COLGALT2: variants seen among roughly 807,000 people sequenced by gnomAD.
COLGALT2 encodes collagen beta(1-O)galactosyltransferase 2, also known as procollagen galactosyltransferase 2.
COLGALT2 carries 49 observed loss-of-function variants against 73.4 expected under a neutral mutation model. The ratio of observed to expected loss-of-function variants is 0.67; its 90% CI spans 0.53 to 0.85. The LOEUF is 0.85. Among genes scored for constraint, COLGALT2 ranks in the 40% least tolerant of loss-of-function variants. COLGALT2 has a pLI of 0.00. For missense variants in COLGALT2, 722 were observed against 790.2 expected (o/e 0.91, Z 1.03); for synonymous variants, 295 against 307.6 (o/e 0.96, Z 0.43).
intron 8 of COLGALT2, among the ~76,000 whole-genome samples, chr1:183,947,679 T>A (rs1204727207): frequency 6.6e-6 from 1 of 152,024 alleles, no homozygotes; most frequent in Non-Finnish European, 1.5e-5. Context: ...CCATCCATCT[T>A]AAGAAACTAG....
At chr1:183,983,718 G>T (rs936137211) in intron 1 of COLGALT2, among the ~76,000 whole-genome samples, 3 of 152,196 alleles carry the variant, frequency 2.0e-5, no homozygotes, top group Admixed American at 1.3e-4. Context: ...AATGTGTGAG[G>T]CCCCTCAGGA....
chr1:183,976,061 A>G (rs979238322), intron 2 of COLGALT2, among the ~76,000 whole-genome samples: 4 of 152,222 alleles, frequency 2.6e-5, no homozygotes, highest in Admixed American at 1.3e-4. Flanking sequence ...AATGAAAATC[A>G]GTGGAATTCT....
At chr1:183,972,597 G>C (rs1671072155) in intron 4 of COLGALT2, among the ~76,000 whole-genome samples, 1 of 151,036 alleles carries the variant, frequency 6.6e-6, no homozygotes, top group Non-Finnish European at 1.5e-5. Context: ...TTTTTAACTT[G>C]AATTTTATAA....
At chr1:183,939,121 G>C (rs541724757) in intron 11 of COLGALT2, 84 bp from the exon 12 acceptor site, 1 of 927,458 alleles carries the variant, frequency 1.1e-6, no homozygotes, top group African/African-American at 1.6e-5. Flanking sequence ...GAGGCCTCCT[G>C]GTTACCTCAT....
At chr1:183,961,826 T>C (rs1230179294) in intron 6 of COLGALT2, among the ~76,000 whole-genome samples, 2 of 152,292 alleles carry the variant, frequency 1.3e-5, no homozygotes, top group East Asian at 3.9e-4. Context: ...CCATATCCTT[T>C]AGGGCCTAGA....
chr1:184,035,275 TC>T (rs1423336646), intron 1 of COLGALT2, among the ~76,000 whole-genome samples: 1 of 152,206 alleles, frequency 6.6e-6, no homozygotes, highest in African/African-American at 2.4e-5. Flanking sequence ...TTATTCCAAC[TC>T]CCTCGTTTTA....
At chr1:183,933,034 G>T (rs1044497162), downstream of COLGALT2, among the ~76,000 whole-genome samples, 3 of 152,140 alleles carry the variant, frequency 2.0e-5, no homozygotes, top group Non-Finnish European at 4.4e-5. Context: ...AGCATTGGGG[G>T]CACTGGACAT....
chr1:184,028,483 A>G (rs1649399149), intron 1 of COLGALT2, among the ~76,000 whole-genome samples: 1 of 152,196 alleles, frequency 6.6e-6, no homozygotes, highest in African/African-American at 2.4e-5. Flanking sequence ...AAACAGTCCT[A>G]CTTCCCTCTT....
intron 1 of COLGALT2, among the ~76,000 whole-genome samples, chr1:184,018,876 T>G (rs965569760): frequency 4.6e-5 from 7 of 152,082 alleles, no homozygotes; most frequent in Admixed American, 6.5e-5. Flanking sequence ...AAATGCCAAA[T>G]GCAGGGAAGG....
intron 1 of COLGALT2, among the ~76,000 whole-genome samples, chr1:184,014,242 T>C (rs549750364): frequency 6.6e-6 from 1 of 152,094 alleles, no homozygotes; most frequent in East Asian, 1.9e-4. Context: ...TTAAGAAACA[T>C]GTATTGAGAA....
rs779082349 is a variant in COLGALT2, at chr1:183,969,334, G to T, written c.767C>A (p.Pro256Gln). Residue 256 changes from proline (P) to glutamine (Q), a missense_variant, in exon 5 of 12, where the codon CCA (proline) becomes CAA (glutamine). Coordinates refer to ENST00000361927, the MANE Select transcript of COLGALT2 (RefSeq NM_015101.4). ...AAAGGTCCAGGTGTAGTCCTGGTGT[G>T]GGGGGTAGAAAGTCAGCTTGTCCGA... The part of the protein sequence containing the change: ...EASDKLTFYP[P>Q]HQDYTWTFDD... The T allele has an allele frequency of 1.2e-5, 20 of 1,613,640 alleles. No homozygotes were observed. In the South Asian group the frequency reaches 1.3e-4, roughly 11 times the overall value.
intron 6 of COLGALT2, among the ~76,000 whole-genome samples, chr1:183,957,471 A>G (rs1344960797): frequency 6.6e-6 from 1 of 152,236 alleles, no homozygotes; most frequent in Non-Finnish European, 1.5e-5. Context: ...AGTACATGAT[A>G]GATTGTACTT....
chr1:183,940,458 T>G, intron 11 of COLGALT2, 123 bp downstream of exon 11: 2 of 903,804 alleles, frequency 2.2e-6, no homozygotes, highest in Non-Finnish European at 3.6e-6. Context: ...TAATCATAAT[T>G]ATGAGAAGAT....
At chr1:183,992,065 C>T (rs539175213) in intron 1 of COLGALT2, among the ~76,000 whole-genome samples, 53 of 152,226 alleles carry the variant, frequency 3.5e-4, no homozygotes, top group Non-Finnish European at 6.5e-4. Context: ...GAGCAAACCT[C>T]AGCTAAGTGC....
At chr1:183,943,264 C>G (rs945091611) in intron 10 of COLGALT2, among the ~76,000 whole-genome samples, 31 of 152,316 alleles carry the variant, frequency 2.0e-4, no homozygotes, top group African/African-American at 7.5e-4. Context: ...CAGTTAAATA[C>G]CGCCTGTGGG....
chr1:184,018,611 CT>C (rs1051668710), intron 1 of COLGALT2, among the ~76,000 whole-genome samples: 2 of 152,022 alleles, frequency 1.3e-5, no homozygotes, highest in Non-Finnish European at 2.9e-5. Flanking sequence ...ACACTATAAA[CT>C]TTTTTCAGAC....
chr1:183,970,927 T>C (rs1671020647), intron 4 of COLGALT2, among the ~76,000 whole-genome samples: 1 of 152,226 alleles, frequency 6.6e-6, no homozygotes. Context: ...ACTCGGGTTT[T>C]TTAAAGGGCT....
chr1:183,943,661 C>G (rs1670173623), intron 10 of COLGALT2, among the ~76,000 whole-genome samples: 1 of 152,170 alleles, frequency 6.6e-6, no homozygotes, highest in Admixed American at 6.5e-5. Context: ...GCCTCAGACC[C>G]TTCCCCAAAT....
rs770093861 is a variant in COLGALT2 at position 183,978,473 on chromosome 1, T to C, written c.311A>G (p.Glu104Gly). 14 of 1,612,450 alleles carry C rather than the reference T, an allele frequency of 8.7e-6. No individual in the cohort carries two copies. Among genetic ancestry groups the C allele is most frequent in the Non-Finnish European group, 1.2e-5 (14 of 1,178,856 alleles). ...NVDNTTEIFREWLKNVQRLYH... is the reference protein window; with the variant it reads ...NVDNTTEIFRGWLKNVQRLYH... ...GAGTCTCTGTACATTTTTCAACCAC[T>C]CCCTGAATATTTCTGTTGTATTATC... The change falls in exon 2 of 12, where the codon GAG (glutamate) becomes GGG (glycine). Residue 104 changes from glutamate (E) to glycine (G), a missense_variant. Glu to Gly is a moderately conservative substitution (Grantham distance 98). Transcript: ENST00000361927.
Sources: gnomAD v4.1 joint callset for allele counts (sites outside exome capture counted in the v4.1 genomes callset) on GRCh38, gnomAD v4.1.1 for gene constraint, MANE v1.5 for transcripts, NCBI Gene and HGNC (gene_info 2026-07-23, HGNC 2026-07-21) for gene names.